Variants in LRRC9 observed in about 807,000 individuals in gnomAD.
LRRC9 encodes leucine-rich repeat-containing protein 9.
A neutral mutation model predicts 63.2 loss-of-function variants in LRRC9; 122 were observed. The ratio of observed to expected loss-of-function variants is 1.93; its 90% CI spans 1.67 to 2.24. The LOEUF is 2.24. Among genes scored for constraint, LRRC9 ranks in the 30% most tolerant of loss-of-function variants. The pLI is 0.00. For missense variants in LRRC9, 1,071 were observed against 627.7 expected, an observed-to-expected ratio of 1.71 and a Z score of -7.55; for synonymous variants, 366 against 213.1, an observed-to-expected ratio of 1.72 and a Z score of -6.25.
At chr14:59,957,761 A>C (rs150679) in intron 8 of LRRC9, among the ~76,000 whole-genome samples, 18 of 151,812 alleles carry the variant, frequency 1.2e-4, no homozygotes, top group Admixed American at 6.6e-5. Flanking sequence ...CCTCATCTTC[A>C]TGGATTTATT....
At chr14:60,039,436 T>A (rs1199090092) in intron 29 of LRRC9, among the ~76,000 whole-genome samples, 1 of 152,224 alleles carries the variant, frequency 6.6e-6, no homozygotes, top group Non-Finnish European at 1.5e-5. Flanking sequence ...TGCCTCAATT[T>A]CAGACCCTTT....
chr14:59,995,691 T>C (rs1417800610), intron 17 of LRRC9, among the ~76,000 whole-genome samples: 1 of 151,448 alleles, frequency 6.6e-6, no homozygotes, highest in East Asian at 1.9e-4. Context: ...AAATAAAGAT[T>C]CCCCCCCTGT....
chr14:59,984,934 T>C (rs185230032), intron 16 of LRRC9, among the ~76,000 whole-genome samples, 171 bp from the exon 17 acceptor site: 1 of 152,326 alleles, frequency 6.6e-6, no homozygotes, highest in African/African-American at 2.4e-5. Context: ...CATCATAGAT[T>C]AGATTTTTTT....
chr14:59,951,578 G>A (rs914335989), intron 8 of LRRC9, among the ~76,000 whole-genome samples: 49 of 146,994 alleles, frequency 3.3e-4, no homozygotes, highest in African/African-American at 1.0e-3. Flanking sequence ...GGCGCTCTGC[G>A]TTTTAGAGTT....
intron 3 of LRRC9, among the ~76,000 whole-genome samples, chr14:59,929,968 A>G (rs575868551): frequency 6.6e-6 from 1 of 152,012 alleles, no homozygotes; most frequent in Non-Finnish European, 1.5e-5. Flanking sequence ...ACTAATGGGT[A>G]CTATGCTTAA....
intron 23 of LRRC9, among the ~76,000 whole-genome samples, chr14:60,012,163 G>T (rs552976034): frequency 6.6e-6 from 1 of 152,264 alleles, no homozygotes; most frequent in African/African-American, 2.4e-5. Flanking sequence ...GAGTGTCTGA[G>T]ATATAAATAA....
Position 59,966,632 on chromosome 14 carries a change from TG to T in LRRC9, c.1258del (p.Asp420ThrfsTer10). 1.4e-6 allele frequency: 1 copy of T among 693,454 alleles called. No individual in the cohort carries two copies. Among genetic ancestry groups the T allele is most frequent in the South Asian group, 1.5e-5 (1 of 66,052 alleles). The allele number at this position is 693,454 out of a possible 1,614,324, so 43.0% of individuals were successfully genotyped here. On this transcript the variant is annotated frameshift_variant, in exon 11 of 32. Coordinates refer to ENST00000445360, the Ensembl canonical transcript of LRRC9. LOFTEE classifies it high-confidence loss of function. The surrounding 1 kb of genome is among the most constrained non-coding windows in gnomAD (Gnocchi z 4.0). ...ATTAATTCTGTCACGTTTTTGTGCC[TG>T]GGACTTCAGAACATACGGTATTACA...
chr14:59,969,527 C>T (rs1255744844), intron 12 of LRRC9: 1 of 152,148 alleles, frequency 6.6e-6, no homozygotes, highest in African/African-American at 2.4e-5. Flanking sequence ...AAGAGATGGG[C>T]TCTGATTTAA....
At chr14:59,981,344 T>A (rs1284036497) in intron 15 of LRRC9, among the ~76,000 whole-genome samples, 1 of 152,170 alleles carries the variant, frequency 6.6e-6, no homozygotes, top group Non-Finnish European at 1.5e-5. Flanking sequence ...AGTATTCTGG[T>A]TTTTTCTAGA....
chr14:60,050,316 A>G (rs1893785745), intron 29 of LRRC9, among the ~76,000 whole-genome samples: 1 of 152,114 alleles, frequency 6.6e-6, no homozygotes, highest in African/African-American at 2.4e-5. Flanking sequence ...TCAGAAAGAT[A>G]GCCTTCAACC....
rs764110312 is a variant in LRRC9, at chr14:59,977,352, G to A, written c.1762+5G>A. On this transcript the variant is annotated splice_donor_5th_base_variant and intron_variant, in intron 14 of 31. Coordinates refer to ENST00000445360, the Ensembl canonical transcript of LRRC9. ...TTCCTCGGAAATATTTACTAAGTAT[G>A]TCTATCATAAAGATTAATGTGGTTT... is the stretch of plus-strand genomic sequence containing the variant. The A allele has an allele frequency of 2.9e-6, 2 of 680,530 alleles. No individual in the cohort carries two copies. Among genetic ancestry groups the A allele is most frequent in the South Asian group, 3.2e-5 (2 of 62,564 alleles). The allele number at this position is 680,530 out of a possible 1,614,324, so 42.2% of individuals were successfully genotyped here. A position where few individuals can be genotyped will look rare whatever the true frequency, so the allele number is the denominator to read the frequency against.
intron 15 of LRRC9, among the ~76,000 whole-genome samples, chr14:59,980,363 C>T (rs1484934684): frequency 1.3e-5 from 2 of 152,130 alleles, no homozygotes; most frequent in African/African-American, 2.4e-5. Flanking sequence ...AATTTTGGAT[C>T]ACTATCATAT....
At chr14:60,055,741 AAAAAAC>A (rs1297573686) in intron 30 of LRRC9, among the ~76,000 whole-genome samples, 1 of 149,386 alleles carries the variant, frequency 6.7e-6, no homozygotes, top group Non-Finnish European at 1.5e-5. Flanking sequence ...TAAAAAAAAA[AAAAAAC>A]AAAAAAAACT....
chr14:59,956,063 GT>G (rs1440534417), intron 8 of LRRC9, among the ~76,000 whole-genome samples: 2 of 152,106 alleles, frequency 1.3e-5, no homozygotes, highest in Non-Finnish European at 2.9e-5. Context: ...TTCCAATTAT[GT>G]GGTCGATTTT....
intron 15 of LRRC9, among the ~76,000 whole-genome samples, chr14:59,979,718 CA>C (rs1486294490): frequency 6.7e-6 from 1 of 149,240 alleles, no homozygotes; most frequent in South Asian, 2.1e-4. Context: ...ATCGCAAGGA[CA>C]AAAAACCAAA....
At chr14:59,931,870 A>G (rs1889730598) in intron 5 of LRRC9, 99 bp from the exon 6 acceptor site, 2 of 642,446 alleles carry the variant, frequency 3.1e-6, no homozygotes, top group Non-Finnish European at 2.8e-6. Context: ...CCATTAGTCT[A>G]TTTATATGCA....
exon 10 of LRRC9, chr14:59,960,992 G>A (rs1444380197): frequency 1.4e-6 from 1 of 695,266 alleles, no homozygotes; most frequent in Admixed American, 2.0e-5. Flanking sequence ...TGTTAATTGA[G>A]TTAGAGACTG....
intron 23 of LRRC9, among the ~76,000 whole-genome samples, chr14:60,012,136 AG>A (rs1890308026): frequency 6.6e-6 from 1 of 152,212 alleles, no homozygotes; most frequent in South Asian, 2.1e-4. Flanking sequence ...TAGGTAGTAC[AG>A]TAATATATAA....
intron 17 of LRRC9, among the ~76,000 whole-genome samples, chr14:59,989,674 T>C (rs185145101): frequency 6.6e-6 from 1 of 152,146 alleles, no homozygotes. Flanking sequence ...ACCAGTAATA[T>C]TAACCTCTGT....
Sources: allele counts gnomAD v4.1 joint callset (sites outside exome capture counted in the v4.1 genomes callset), GRCh38; gene constraint gnomAD v4.1.1; non-coding constraint Gnocchi (gnomAD v3.1); transcripts MANE v1.5; gene names NCBI Gene and HGNC (gene_info 2026-07-23, HGNC 2026-07-21).